DEFB121: variants seen among roughly 807,000 people sequenced by gnomAD.
DEFB121 encodes the protein beta-defensin 121.
DEFB121 carries 5 observed loss-of-function variants against 2.5 expected under a neutral mutation model. That is an observed-to-expected ratio of 1.96 (90% CI 1.03 to 4.13). The LOEUF (loss-of-function observed/expected upper bound fraction) is 4.13. DEFB121 is among the 30% of genes most tolerant of loss of function. The pLI, the probability that DEFB121 is intolerant of heterozygous loss-of-function variation, is 0.00. For synonymous variants in DEFB121, 39 were observed against 32.6 expected, an observed-to-expected ratio of 1.20 and a Z score of -0.67; for missense variants, 87 against 85.0, an observed-to-expected ratio of 1.02 and a Z score of -0.09.
chr20:31,409,221 T>C (rs551514519), upstream of DEFB121, among the ~76,000 whole-genome samples: 4 of 152,288 alleles, frequency 2.6e-5, no homozygotes, highest in South Asian at 4.1e-4. Flanking sequence ...AAGTTAAACA[T>C]AAACTTATCA....
In DEFB121 at chr20:31,404,868, C is replaced by A. The variant is rs938692710; in HGVS notation, c.*45G>T. Reference sequence around the variant, plus strand: ...TGTTGCCAAGAATGATTTAATAGAACTGCAGGATCCCATGATGTTGAGACT... The same window carrying A: ...TGTTGCCAAGAATGATTTAATAGAAATGCAGGATCCCATGATGTTGAGACT... On this transcript the variant is annotated 3_prime_UTR_variant, in exon 2 of 2. Coordinates refer to ENST00000376314, the MANE Select transcript of DEFB121 (RefSeq NM_001011878.3). The A allele has an allele frequency of 1.2e-6, 2 of 1,602,206 alleles. No individual in the cohort carries two copies. The highest frequency in any genetic ancestry group is 1.7e-6 in the Non-Finnish European group (2 of 1,174,586).
At chr20:31,409,426 T>G (rs57876106), upstream of DEFB121, among the ~76,000 whole-genome samples, 35,163 of 152,154 alleles carry the variant, frequency 0.23, 4,859 homozygotes, top group African/African-American at 0.36. Flanking sequence ...AATTAACCAC[T>G]GCTATGCAAC....
the DEFB121 span, among the ~76,000 whole-genome samples, chr20:31,418,347 C>T: frequency 6.6e-6 from 1 of 150,430 alleles, no homozygotes; most frequent in African/African-American, 2.4e-5. Flanking sequence ...GAGAGAAGAC[C>T]TTAAGAGCTT....
chr20:31,407,710 G>A (rs2122352098), upstream of DEFB121, among the ~76,000 whole-genome samples: 1 of 152,320 alleles, frequency 6.6e-6, no homozygotes, highest in Non-Finnish European at 1.5e-5. Flanking sequence ...TATACACAAG[G>A]CCAGCAGATA....
At chr20:31,408,907 C>T (rs1489302689), upstream of DEFB121, among the ~76,000 whole-genome samples, 2 of 151,764 alleles carry the variant, frequency 1.3e-5, no homozygotes, top group African/African-American at 4.8e-5. Context: ...GCAACTGTAA[C>T]CCCAGCTACT....
upstream of DEFB121, among the ~76,000 whole-genome samples, chr20:31,410,081 T>G (rs1978615202): frequency 6.6e-6 from 1 of 152,232 alleles, no homozygotes; most frequent in South Asian, 2.1e-4. Context: ...GCAAATAGTT[T>G]TTAAAATAAG....
chr20:31,415,731 T>C (rs1011442262), upstream of DEFB121, among the ~76,000 whole-genome samples: 4 of 152,040 alleles, frequency 2.6e-5, no homozygotes, highest in African/African-American at 9.7e-5. Flanking sequence ...ATGGAGGACC[T>C]TCTCCTTCTC....
In DEFB121 at chr20:31,404,976, A is replaced by T. The variant is rs139589215; in HGVS notation, c.168T>A (p.Tyr56Ter). Reference sequence around the variant, plus strand: ...CTGTTAATTTTGGTTTTACAGGTACATACTTGGGATCCACACAGCACTTAG... The same window carrying T: ...CTGTTAATTTTGGTTTTACAGGTACTTACTTGGGATCCACACAGCACTTAG... ...TEAKCCVDPK[Y>*]VPVKPKLTDT... Residue 56 changes from tyrosine (Y) to a stop codon, truncating the protein, a stop_gained, in exon 2 of 2, where the codon TAT becomes TAA. Transcript: ENST00000376314. LOFTEE classifies it low-confidence loss of function (END_TRUNC). The T allele has an allele frequency of 1.2e-6, 2 of 1,614,060 alleles. No homozygotes were observed. Among genetic ancestry groups the T allele is most frequent in the Middle Eastern group, 1.6e-4 (1 of 6,062 alleles).
At chr20:31,415,656 T>C (rs1978786485), upstream of DEFB121, among the ~76,000 whole-genome samples, 1 of 151,058 alleles carries the variant, frequency 6.6e-6, no homozygotes, top group Non-Finnish European at 1.5e-5. Context: ...TAAATATATA[T>C]ATATTACAGT....
At chr20:31,415,304 G>A (rs980884618), upstream of DEFB121, among the ~76,000 whole-genome samples, 1 of 151,604 alleles carries the variant, frequency 6.6e-6, no homozygotes, top group Non-Finnish European at 1.5e-5. Flanking sequence ...GGCTGGAGTG[G>A]AGTGGTACGA....
upstream of DEFB121, among the ~76,000 whole-genome samples, chr20:31,415,013 G>A (rs140318504): frequency 2.0e-5 from 3 of 152,286 alleles, no homozygotes; most frequent in East Asian, 5.8e-4. Context: ...GCTGCAGTGA[G>A]CCGTGCTTGT....
upstream of DEFB121, among the ~76,000 whole-genome samples, chr20:31,409,105 C>A (rs1005814828): frequency 1.3e-5 from 2 of 151,606 alleles, no homozygotes; most frequent in Non-Finnish European, 2.9e-5. Flanking sequence ...ATAGCAAGGT[C>A]CCTTCTCTAT....
upstream of DEFB121, among the ~76,000 whole-genome samples, chr20:31,410,965 T>C (rs530180862): frequency 1.2e-3 from 179 of 152,316 alleles, no homozygotes; most frequent in African/African-American, 3.9e-3. Flanking sequence ...CTACACTGAA[T>C]GGTTTTGAGA....
At chr20:31,412,517 T>C in intron 1 of DEFB121, 1 of 795,872 alleles carries the variant, frequency 1.3e-6, no homozygotes, top group Non-Finnish European at 1.8e-6. Context: ...AGGTTTGCTG[T>C]GAAGATTAAA....
chr20:31,411,754 C>T (rs1177384169), intron 1 of DEFB121, among the ~76,000 whole-genome samples: 1 of 152,128 alleles, frequency 6.6e-6, no homozygotes, highest in Non-Finnish European at 1.5e-5. Flanking sequence ...GTCCAGGAGC[C>T]TGGAGTCCAC....
upstream of DEFB121, among the ~76,000 whole-genome samples, chr20:31,408,524 T>C (rs1978559600): frequency 6.6e-6 from 1 of 152,202 alleles, no homozygotes; most frequent in South Asian, 2.1e-4. Context: ...ACTTTTTCTA[T>C]AAAGCCCAGA....
At chr20:31,416,244 A>T (rs1380157735), upstream of DEFB121, among the ~76,000 whole-genome samples, 1 of 152,138 alleles carries the variant, frequency 6.6e-6, no homozygotes. Context: ...TATTTTTAGT[A>T]GAGATGGGGT....
upstream of DEFB121, among the ~76,000 whole-genome samples, chr20:31,415,372 C>A (rs1225747806): frequency 1.3e-5 from 2 of 151,910 alleles, no homozygotes; most frequent in Non-Finnish European, 2.9e-5. Flanking sequence ...GCCTCAGCCT[C>A]CCAAGTAGGT....
chr20:31,406,223 G>T, upstream of DEFB121: 2 of 1,602,998 alleles, frequency 1.2e-6, no homozygotes, highest in Non-Finnish European at 8.5e-7. Flanking sequence ...TCCATTCTGG[G>T]CAGTCCAGAC....
Sources: allele counts gnomAD v4.1 joint callset (sites outside exome capture counted in the v4.1 genomes callset), GRCh38; gene constraint gnomAD v4.1.1; transcripts MANE v1.5; gene names NCBI Gene and HGNC (gene_info 2026-07-23, HGNC 2026-07-21).